The following TRRAP variants were observed in gnomAD, a reference collection of about 807,000 sequenced individuals.
TRRAP encodes transformation/transcription domain associated protein.
A neutral mutation model predicts 438.8 loss-of-function variants in TRRAP; 41 were observed. The observed-to-expected ratio is 0.09, with a 90% CI of 0.07 to 0.12. The LOEUF (loss-of-function observed/expected upper bound fraction) is 0.12. TRRAP is among the 10% of genes least tolerant of loss of function. TRRAP has a pLI of 1.00. For synonymous variants in TRRAP, 1,994 were observed against 1,962.9 expected (o/e 1.02, Z -0.42); for missense variants, 3,122 against 5,055.1 (o/e 0.62, Z 11.60).
intron 28 of TRRAP, 132 bp from the exon 29 acceptor site, chr7:98,937,024 T>G: frequency 1.7e-6 from 2 of 1,179,750 alleles, no homozygotes; most frequent in Non-Finnish European, 1.1e-6. Context: ...GGCCAGGAGT[T>G]AGAGATGAAC....
intron 69 of TRRAP, among the ~76,000 whole-genome samples, chr7:99,007,953 G>A (rs1021706269): frequency 6.6e-6 from 1 of 151,618 alleles, no homozygotes; most frequent in Non-Finnish European, 1.5e-5. Context: ...AGCCTCCTGA[G>A]TAGTTGGGAT....
intron 12 of TRRAP, among the ~76,000 whole-genome samples, chr7:98,904,566 C>T (rs114735083): frequency 6.6e-6 from 1 of 151,118 alleles, no homozygotes. Flanking sequence ...CTAGCCCCTT[C>T]TGAAGGCATA....
At position 98,989,137 on chromosome 7, in the gene TRRAP, G is replaced by A. The variant is rs192042052; in HGVS notation, c.9591+171G>A. Reference sequence around the variant, plus strand: ...TCTTTCACAGTTCCATTTCAAAGCTGAGAAAACTGAGGCCTGGACACTCTT... The same window carrying A: ...TCTTTCACAGTTCCATTTCAAAGCTAAGAAAACTGAGGCCTGGACACTCTT... On this transcript the variant is annotated intron_variant, in intron 63 of 72. Transcript: ENST00000456197. 1.2e-3 allele frequency among the ~76,000 whole-genome samples: 180 copies of A among 152,318 alleles called. 3 individuals carry two copies. In the East Asian group the frequency reaches 0.026, roughly 22 times the overall value.
At position 98,948,229 on chromosome 7, in the gene TRRAP, G is replaced by A; in HGVS notation, c.4557G>A (p.Lys1519=). The stretch of plus-strand genomic sequence containing the variant: ...CTGGTTTTCTTGATCAGGAAATGAA[G>A]ATTTGCTCAGCAATTATAAACCTTT... ...EPAMEGVEEM[K]ICSAIINLFH... The change falls in exon 34 of 73, where the codon AAG becomes AAA. Residue 1519 remains lysine (K), a synonymous_variant. Coordinates refer to ENST00000456197, the MANE Select transcript of TRRAP (RefSeq NM_001375524.1). The surrounding 1 kb of genome is among the most constrained non-coding windows in gnomAD (Gnocchi z 4.9). 6.2e-7 allele frequency: 1 copy of A among 1,614,162 alleles called. No homozygotes were observed. Among genetic ancestry groups the A allele is most frequent in the East Asian group, 2.2e-5 (1 of 44,886 alleles).
In TRRAP at chr7:98,948,216, A is replaced by G. The variant is rs368622061; in HGVS notation, c.4549-5A>G. On this transcript the variant is annotated splice_region_variant and splice_polypyrimidine_tract_variant and intron_variant, in intron 33 of 72. Coordinates refer to ENST00000456197, the MANE Select transcript of TRRAP (RefSeq NM_001375524.1). The surrounding 1 kb of genome is among the most constrained non-coding windows in gnomAD (Gnocchi z 4.9). ...CTGTTTATAATTTCTGGTTTTCTTG[A>G]TCAGGAAATGAAGATTTGCTCAGCA... is the stretch of plus-strand genomic sequence containing the variant. The G allele has an allele frequency of 1.9e-5, 30 of 1,613,924 alleles. No homozygotes were observed. Among genetic ancestry groups the G allele is most frequent in the Non-Finnish European group, 2.3e-5 (27 of 1,180,048 alleles).
Position 98,933,417 on chromosome 7 carries a change from G to A in TRRAP, c.4014+15G>A, listed in dbSNP as rs781909002. 5.0e-6 allele frequency: 8 copies of A among 1,609,392 alleles called. No individual in the cohort carries two copies. The Admixed American group carries it at 8.4e-5, about 17-fold the overall frequency. ...TCTACACAGAGGTAGGGGGGTGGTG[G>A]TGCGGAGTGGTGTGGATGGTGATGA... On this transcript the variant is annotated intron_variant, in intron 27 of 72. Coordinates refer to ENST00000456197, the MANE Select transcript of TRRAP (RefSeq NM_001375524.1).
intron 53 of TRRAP, among the ~76,000 whole-genome samples, chr7:98,973,543 G>A (rs767383378): frequency 4.6e-4 from 70 of 152,160 alleles, no homozygotes; most frequent in Non-Finnish European, 7.4e-5. Context: ...GTCCTCTGTG[G>A]GGCCATGGCT....
At position 98,948,396 on chromosome 7, in the gene TRRAP, G is replaced by A. The variant is rs1439777268; in HGVS notation, c.4668+56G>A. On this transcript the variant is annotated intron_variant, in intron 34 of 72. Coordinates refer to ENST00000456197, the MANE Select transcript of TRRAP (RefSeq NM_001375524.1). This position sits in a 1 kb window ranked among gnomAD's most constrained non-coding sequence, Gnocchi z 4.9. ...TCTGCCACCCTCCGGTGCTTATAGC[G>A]TCCTCACTTGATCGTATTTTCAATG... The A allele has an allele frequency of 3.1e-5, 50 of 1,612,038 alleles. No individual in the cohort carries two copies. The East Asian group carries it at 5.6e-4, about 18-fold the overall frequency.
chr7:98,986,624 C>G (rs986455756), intron 62 of TRRAP, among the ~76,000 whole-genome samples: 3 of 152,066 alleles, frequency 2.0e-5, no homozygotes, highest in Admixed American at 2.0e-4. Flanking sequence ...TATATGATTT[C>G]CAAGTATTTT....
At position 98,885,493 on chromosome 7, in the gene TRRAP, G is replaced by A. The variant is rs150671400; in HGVS notation, c.150+3469G>A. 1.6e-3 allele frequency among the ~76,000 whole-genome samples: 249 copies of A among 152,012 alleles called. 2 individuals carry two copies. The highest frequency in any genetic ancestry group is 5.8e-3 in the African/African-American group (239 of 41,454). ...ATAAACATTAAATACATGTTAGTGG[G>A]GTTGAATCAAATACCCTACTATCTG... On this transcript the variant is annotated intron_variant, in intron 3 of 72. Coordinates refer to ENST00000456197, the MANE Select transcript of TRRAP (RefSeq NM_001375524.1).
At chr7:98,922,315 A>G (rs1316851525) in intron 21 of TRRAP, among the ~76,000 whole-genome samples, 3 of 152,170 alleles carry the variant, frequency 2.0e-5, no homozygotes, top group Admixed American at 6.5e-5. Context: ...CCCATTCTCT[A>G]TCCAAACGCA....
At chr7:98,943,872 T>C (rs1410945590) in intron 31 of TRRAP, among the ~76,000 whole-genome samples, 5 of 152,232 alleles carry the variant, frequency 3.3e-5, no homozygotes, top group Non-Finnish European at 7.3e-5. Context: ...TTTGTCCTCG[T>C]GTGCCTTTGC....
Position 98,990,467 on chromosome 7 carries a change from T to C in TRRAP, c.9604T>C (p.Leu3202=), listed in dbSNP as rs1793384687. 1 of 1,612,878 alleles carries C rather than the reference T, an allele frequency of 6.2e-7. No homozygotes were observed. Among genetic ancestry groups the C allele is most frequent in the Admixed American group, 1.7e-5 (1 of 60,010 alleles). Residue 3202 remains leucine, a synonymous_variant, in exon 64 of 73, where the codon TTG becomes CTG. Coordinates refer to ENST00000456197, the MANE Select transcript of TRRAP (RefSeq NM_001375524.1). ...RKYLAKVLWL[L]SFDDDKNTLA... Reference sequence around the variant, plus strand: ...CCTTCTGTCTCAGGTGCTGTGGCTTTTGAGTTTTGATGATGACAAAAACAC... The same window carrying C: ...CCTTCTGTCTCAGGTGCTGTGGCTTCTGAGTTTTGATGATGACAAAAACAC...
chr7:98,931,322 T>G, intron 25 of TRRAP, 83 bp from the exon 26 acceptor site: 1 of 1,555,496 alleles, frequency 6.4e-7, no homozygotes, highest in Middle Eastern at 2.3e-4. Flanking sequence ...TGACAGTCTT[T>G]ATGGCAGACA....
At position 98,970,259 on chromosome 7, in the gene TRRAP, C is replaced by A; in HGVS notation, c.7660C>A (p.Arg2554=). ...AMVTHVKQEP[R]ERENSESKEE... is the part of the protein sequence containing the mutation. Reference sequence around the variant, plus strand: ...GGTCACACATGTCAAGCAGGAGCCCCGGGAGCGGGAGAACAGCGAGTCCAA... The same window carrying A: ...GGTCACACATGTCAAGCAGGAGCCCAGGGAGCGGGAGAACAGCGAGTCCAA... Residue 2554 remains arginine (R), a synonymous_variant, in exon 52 of 73, where the codon CGG becomes AGG. Coordinates refer to ENST00000456197, the MANE Select transcript of TRRAP (RefSeq NM_001375524.1). The A allele has an allele frequency of 6.2e-7, 1 of 1,613,138 alleles. No homozygotes were observed. The highest frequency in any genetic ancestry group is 8.5e-7 in the Non-Finnish European group (1 of 1,180,010).
At chr7:98,952,957 T>C (rs1187959540) in intron 39 of TRRAP, among the ~76,000 whole-genome samples, 1 of 149,742 alleles carries the variant, frequency 6.7e-6, no homozygotes, top group African/African-American at 2.4e-5. Flanking sequence ...GGGGTTTTTT[T>C]CTCCTTTCAC....
chr7:98,989,000 C>T, intron 63 of TRRAP, 34 bp downstream of exon 63: 2 of 1,592,280 alleles, frequency 1.3e-6, no homozygotes, highest in Non-Finnish European at 1.7e-6. Flanking sequence ...GACCAGAGGC[C>T]ATCTGTCACC....
At chr7:98,936,681 G>A (rs1333090309) in intron 28 of TRRAP, among the ~76,000 whole-genome samples, 1 of 152,162 alleles carries the variant, frequency 6.6e-6, no homozygotes, top group African/African-American at 2.4e-5. Flanking sequence ...CCTGGATCCA[G>A]CCACCCCATT....
Position 98,908,390 on chromosome 7 carries a change from C to T in TRRAP, c.1116-338C>T, listed in dbSNP as rs1554407886. On this transcript the variant is annotated intron_variant, in intron 13 of 72. Coordinates refer to ENST00000456197, the MANE Select transcript of TRRAP (RefSeq NM_001375524.1). This position sits in a 1 kb window ranked among gnomAD's most constrained non-coding sequence, Gnocchi z 4.1. ...TCATCATATATAAAGATTGATTGAC[C>T]CGTCCTATTTATTTTTGAGCAACAA... is the stretch of plus-strand genomic sequence containing the variant. Among the ~76,000 whole-genome samples, 1 of 152,128 alleles carries T rather than the reference C, an allele frequency of 6.6e-6. No individual in the cohort carries two copies. The highest frequency in any genetic ancestry group is 2.4e-5 in the African/African-American group (1 of 41,424).
Sources: gnomAD v4.1 joint callset for allele counts (sites outside exome capture counted in the v4.1 genomes callset) on GRCh38, gnomAD v4.1.1 for gene constraint, Gnocchi (gnomAD v3.1) non-coding constraint, MANE v1.5 for transcripts, NCBI Gene and HGNC (gene_info 2026-07-23, HGNC 2026-07-21) for gene names.